SHPRH: variants seen among roughly 807,000 people sequenced by gnomAD.
The protein encoded by SHPRH is E3 ubiquitin-protein ligase SHPRH.
In SHPRH, 106 loss-of-function variants were observed where a neutral mutation model predicts 202.5. The observed-to-expected ratio is 0.52, with a 90% CI of 0.45 to 0.62. The LOEUF (loss-of-function observed/expected upper bound fraction) is 0.62. Among genes scored for constraint, SHPRH ranks in the 20% least tolerant of loss-of-function variants. SHPRH has a pLI of 0.00. For missense variants in SHPRH, 1,710 were observed against 2,020.0 expected (o/e 0.85, Z 2.94); for synonymous variants, 729 against 686.0 (o/e 1.06, Z -0.98).
chr6:145,924,779 A>G lies in SHPRH; in HGVS notation c.3362T>C (p.Leu1121Ser), dbSNP rs750160516. The part of the protein sequence containing the change: ...NTEVAEAQQA[L>S]YPVQQTIHEL... ...ATGGATGGTCTGCTGCACAGGATAT[A>G]AAGCTTGCTGGGCTTCAGCAACTTC... Residue 1121 changes from leucine to serine, a missense_variant, in exon 17 of 30, where the codon TTA (leucine) becomes TCA (serine). Physicochemically the swap from Leu to Ser is moderately radical, Grantham distance 145. This residue lies in a region of SHPRH where 288 missense variants were observed against 317.8 expected (regional missense o/e 0.91). Transcript: ENST00000275233. 2 of 1,611,882 alleles carry G rather than the reference A, an allele frequency of 1.2e-6. No individual in the cohort carries two copies. The highest frequency in any genetic ancestry group is 1.7e-6 in the Non-Finnish European group (2 of 1,178,472).
intron 11 of SHPRH, 75 bp from the exon 12 acceptor site, chr6:145,935,516 A>C: frequency 7.1e-7 from 1 of 1,416,178 alleles, no homozygotes; most frequent in Non-Finnish European, 9.7e-7. Context: ...TTTTCTACAG[A>C]CATTACACAG....
intron 28 of SHPRH, among the ~76,000 whole-genome samples, chr6:145,888,522 G>A (rs1781304708): frequency 6.6e-6 from 1 of 152,200 alleles, no homozygotes; most frequent in South Asian, 2.1e-4. Flanking sequence ...CATGGCAGAA[G>A]CATCCTGTAA....
At chr6:145,953,078 T>C (rs1027463110) in intron 2 of SHPRH, among the ~76,000 whole-genome samples, 6 of 152,122 alleles carry the variant, frequency 3.9e-5, no homozygotes, top group Admixed American at 3.9e-4. Flanking sequence ...TGTTCTCATT[T>C]ACAAAATGGA....
At chr6:145,888,416 T>C (rs1181713839) in intron 28 of SHPRH, among the ~76,000 whole-genome samples, 7 of 151,710 alleles carry the variant, frequency 4.6e-5, no homozygotes, top group African/African-American at 1.7e-4. Flanking sequence ...AGGAAGAATA[T>C]CCAAACAGAA....
intron 2 of SHPRH, 128 bp from the exon 3 acceptor site, chr6:145,952,606 A>G: frequency 1.3e-6 from 1 of 757,894 alleles, no homozygotes; most frequent in Non-Finnish European, 1.9e-6. Flanking sequence ...CACAAACAAT[A>G]AATACATGCC....
chr6:145,936,197 T>C (rs1279588742), intron 11 of SHPRH, among the ~76,000 whole-genome samples: 1 of 151,882 alleles, frequency 6.6e-6, no homozygotes. Context: ...TGTGAGGACT[T>C]AATGAAAAAC....
intron 23 of SHPRH, among the ~76,000 whole-genome samples, chr6:145,913,956 T>C (rs1261190440): frequency 1.3e-5 from 2 of 152,182 alleles, no homozygotes; most frequent in Non-Finnish European, 2.9e-5. Context: ...CCTCTGTTAA[T>C]TATTGATTTT....
At position 145,935,286 on chromosome 6, in the gene SHPRH, T is replaced by C. The variant is rs762227380; in HGVS notation, c.2725A>G (p.Ile909Val). 1 of 1,613,896 alleles carries C rather than the reference T, an allele frequency of 6.2e-7. No homozygotes were observed. The highest frequency in any genetic ancestry group is 1.3e-5 in the African/African-American group (1 of 74,892). The part of the protein sequence containing the change: ...ILWRSAKKDV[I>V]DQIQIPPQTE... ...AAACTTATTGTACTGACTTGGTCAA[T>C]CACATCTTTCTTTGCAGACCTCCAC... The change falls in exon 12 of 30, where the codon ATT (isoleucine) becomes GTT (valine). Residue 909 changes from isoleucine (I) to valine (V), a missense_variant. Ile to Val is a conservative substitution (Grantham distance 29). Coordinates refer to ENST00000275233, the MANE Select transcript of SHPRH (RefSeq NM_001042683.3).
chr6:145,896,589 A>G (rs1265064200), intron 25 of SHPRH, among the ~76,000 whole-genome samples: 9 of 152,038 alleles, frequency 5.9e-5, no homozygotes, highest in Non-Finnish European at 2.9e-5. Flanking sequence ...ATCCCTTCCA[A>G]CCACTACAGT....
Position 145,921,354 on chromosome 6 carries a change from T to G in SHPRH, c.3821A>C (p.Glu1274Ala), listed in dbSNP as rs777071505. ...ATCATCCACCAGTCCTTCTTCATCT[T>G]CTATCATCTCCTCAAATATTGCAGT... ...GQTAIFEEMI[E>A]DEEGLVDDRA... The change falls in exon 21 of 30, where the codon GAA becomes GCA. Residue 1274 changes from glutamate to alanine, a missense_variant. By Grantham distance (107) the Glu-to-Ala change is moderately radical. Coordinates refer to ENST00000275233, the MANE Select transcript of SHPRH (RefSeq NM_001042683.3). 6.2e-7 allele frequency: 1 copy of G among 1,612,578 alleles called. No individual in the cohort carries two copies. Among genetic ancestry groups the G allele is most frequent in the South Asian group, 1.1e-5 (1 of 91,050 alleles).
In SHPRH at chr6:145,960,235, A is replaced by G. The variant is rs1788949666; in HGVS notation, c.-33+3496T>C. ...GCAATGGTTGAGGTGTATTACTGCAAATCCAATCACACAAGTAGTTTTCAA... is the reference window on the plus strand; with the variant it reads ...GCAATGGTTGAGGTGTATTACTGCAGATCCAATCACACAAGTAGTTTTCAA... On this transcript the variant is annotated intron_variant, in intron 1 of 29. Transcript: ENST00000275233. Among the ~76,000 whole-genome samples, 4 of 152,110 alleles carry G rather than the reference A, an allele frequency of 2.6e-5. No homozygotes were observed. In the South Asian group the frequency reaches 8.3e-4, roughly 32 times the overall value.
At chr6:145,908,908 T>C (rs972553506) in intron 25 of SHPRH, 2 of 152,164 alleles carry the variant, frequency 1.3e-5, no homozygotes, top group South Asian at 2.1e-4. Flanking sequence ...CTTTAATCTA[T>C]CTTGAGTTAA....
chr6:145,867,312 CTGAT>C (rs1483870572), intron 2 of SHPRH, among the ~76,000 whole-genome samples: 1 of 151,894 alleles, frequency 6.6e-6, no homozygotes, highest in Non-Finnish European at 1.5e-5. Context: ...CTGTAGTAGA[CTGAT>C]TAATGACCCC....
chr6:145,868,051 A>T (rs1230014441), intron 2 of SHPRH, among the ~76,000 whole-genome samples: 1 of 152,194 alleles, frequency 6.6e-6, no homozygotes, highest in East Asian at 1.9e-4. Context: ...AGAGGCTAGA[A>T]GTTTGAGGTC....
At chr6:145,889,241 C>G (rs894921523) in intron 28 of SHPRH, among the ~76,000 whole-genome samples, 5 of 151,982 alleles carry the variant, frequency 3.3e-5, no homozygotes, top group African/African-American at 1.2e-4. Flanking sequence ...AGACAAAGAA[C>G]CCTCAGACCA....
intron 6 of SHPRH, 76 bp from the exon 7 acceptor site, chr6:145,946,417 C>T (rs1040716572): frequency 5.0e-5 from 60 of 1,210,450 alleles, no homozygotes; most frequent in Non-Finnish European, 6.6e-5. Context: ...AATTAACTTT[C>T]CTTCTTTATG....
Position 145,923,757 on chromosome 6 carries a change from T to C in SHPRH, c.3431A>G (p.Asn1144Ser), listed in dbSNP as rs1784626761. 6.2e-7 allele frequency: 1 copy of C among 1,610,148 alleles called. No individual in the cohort carries two copies. The highest frequency in any genetic ancestry group is 8.5e-7 in the Non-Finnish European group (1 of 1,177,808). Residue 1144 changes from asparagine (N) to serine (S), a missense_variant, in exon 18 of 30, where the codon AAT becomes AGT. This residue lies in a region of SHPRH where 288 missense variants were observed against 317.8 expected (regional missense o/e 0.91). Transcript: ENST00000275233. ...KIHSNSPWWL[N>S]VIHRAIEFTI... Reference sequence around the variant, plus strand: ...AAATTCTATTGCTCTGTGGATCACATTTAGCCACCAAGGAGAATTAGAATG... The same window carrying C: ...AAATTCTATTGCTCTGTGGATCACACTTAGCCACCAAGGAGAATTAGAATG...
At chr6:145,867,484 G>A (rs1352428519) in intron 2 of SHPRH, among the ~76,000 whole-genome samples, 2 of 151,242 alleles carry the variant, frequency 1.3e-5, no homozygotes, top group Non-Finnish European at 2.9e-5. Flanking sequence ...ACAAGAGAGA[G>A]GCAAAATGAA....
rs1784115394 is a variant in SHPRH at position 145,918,170 on chromosome 6, T to C, written c.4215A>G (p.Lys1405=). The C allele has an allele frequency of 1.9e-6, 3 of 1,607,542 alleles. No individual in the cohort carries two copies. The highest frequency in any genetic ancestry group is 2.5e-6 in the Non-Finnish European group (3 of 1,176,826). The change falls in exon 23 of 30, where the codon AAA becomes AAG. Residue 1405 remains lysine, a synonymous_variant. Transcript: ENST00000275233. The part of the protein sequence containing the change: ...DKAVATSQLQ[K]KLGQLLYLTN... Reference sequence around the variant, plus strand: ...TTAGGTAAAGAAGCTGCCCAAGTTTTTTCTGAAGCTGTGATGTAGCAACAG... The same window carrying C: ...TTAGGTAAAGAAGCTGCCCAAGTTTCTTCTGAAGCTGTGATGTAGCAACAG...
Sources: gnomAD v4.1 joint callset for allele counts (sites outside exome capture counted in the v4.1 genomes callset) on GRCh38, gnomAD v4.1.1 for gene constraint, gnomAD v4.1.1 regional missense constraint, MANE v1.5 for transcripts, NCBI Gene and HGNC (gene_info 2026-07-23, HGNC 2026-07-21) for gene names.